CEP104: variants seen among roughly 807,000 people sequenced by gnomAD.
CEP104 encodes centrosomal protein 104.
Under a neutral mutation model 113.3 loss-of-function variants are expected in CEP104, and 84 were observed. The ratio of observed to expected loss-of-function variants is 0.74; its 90% confidence interval spans 0.62 to 0.89. The LOEUF is 0.89. Among genes scored for constraint, CEP104 ranks in the 40% least tolerant of loss-of-function variants. The pLI is 0.00. For synonymous variants in CEP104, 378 were observed against 421.7 expected, an observed-to-expected ratio of 0.90 and a Z score of 1.27; for missense variants, 1,053 against 1,156.6, an observed-to-expected ratio of 0.91 and a Z score of 1.30.
At chr1:3,820,870 A>G (rs1051957855) in intron 20 of CEP104, among the ~76,000 whole-genome samples, 12 of 152,292 alleles carry the variant, frequency 7.9e-5, no homozygotes, top group Non-Finnish European at 1.6e-4. Flanking sequence ...GTCGCCTCCA[A>G]TACCTGAATT....
intron 8 of CEP104, among the ~76,000 whole-genome samples, chr1:3,838,122 G>C (rs1644348844): frequency 6.6e-6 from 1 of 152,198 alleles, no homozygotes; most frequent in Non-Finnish European, 1.5e-5. Flanking sequence ...GTGGTGCCCG[G>C]ATTTGAACCC....
rs1432856285 is a variant in CEP104, at chr1:3,816,175, T to C, written c.2662+105A>G. The stretch of plus-strand genomic sequence containing the variant: ...AGGCTTGGATGCTTTATTTTGCTTT[T>C]AAAGGGATGGGGTCTTGCCATGTTG... On this transcript the variant is annotated intron_variant, in intron 21 of 21. Transcript: ENST00000378230. The C allele has an allele frequency of 1.0e-5, 10 of 963,066 alleles. No individual in the cohort carries two copies. The South Asian group carries it at 1.4e-4, about 14-fold the overall frequency. 59.7% of individuals were successfully genotyped at this position (963,066 alleles called of 1,614,324 possible). A position where few individuals can be genotyped will look rare whatever the true frequency, so the allele number is the denominator to read the frequency against.
chr1:3,828,712 T>G (rs1363127407), intron 15 of CEP104, among the ~76,000 whole-genome samples: 1 of 152,170 alleles, frequency 6.6e-6, no homozygotes, highest in Non-Finnish European at 1.5e-5. Flanking sequence ...GGAAATTTTC[T>G]TTCAACTGAA....
chr1:3,850,366 A>AT (rs1644587907), intron 2 of CEP104, among the ~76,000 whole-genome samples: 1 of 152,252 alleles, frequency 6.6e-6, no homozygotes, highest in African/African-American at 2.4e-5. Context: ...ACAGATACAG[A>AT]TTTTTTAAAC....
At position 3,833,014 on chromosome 1, in the gene CEP104, C is replaced by G. The variant is rs1396060336; in HGVS notation, c.1659+848G>C. The stretch of plus-strand genomic sequence containing the variant: ...TTTTTTTTTTTTTTTAAGATGGAGT[C>G]TCACTCTGTTGCCAGGCTGGAGTGC... On this transcript the variant is annotated intron_variant, in intron 12 of 21. Transcript: ENST00000378230. Among the ~76,000 whole-genome samples the G allele has an allele frequency of 2.8e-5, 4 of 140,624 alleles. 1 individual carries two copies. Among genetic ancestry groups the G allele is most frequent in the South Asian group, 4.6e-4 (2 of 4,390 alleles). 92.3% of individuals were successfully genotyped at this position (140,624 alleles called of 152,430 possible). A position where few individuals can be genotyped will look rare whatever the true frequency, so the allele number is the denominator to read the frequency against.
intron 20 of CEP104, among the ~76,000 whole-genome samples, chr1:3,820,990 G>A (rs1643961335): frequency 6.6e-6 from 1 of 152,246 alleles, no homozygotes; most frequent in African/African-American, 2.4e-5. Flanking sequence ...GGAAGGGGAA[G>A]TGTGTGTGCA....
chr1:3,830,906 G>T (rs1331437820), intron 13 of CEP104, 140 bp downstream of exon 13: 7 of 872,766 alleles, frequency 8.0e-6, no homozygotes, highest in Non-Finnish European at 1.2e-5. Flanking sequence ...GCCCCCATTT[G>T]TTGGATGAAA....
chr1:3,821,959 C>T (rs547701658), intron 20 of CEP104, among the ~76,000 whole-genome samples: 2 of 152,318 alleles, frequency 1.3e-5, no homozygotes, highest in East Asian at 1.9e-4. Context: ...ATGTGACTGA[C>T]GTCTGGAAGG....
intron 6 of CEP104, among the ~76,000 whole-genome samples, chr1:3,840,639 A>C (rs910320636): frequency 2.0e-5 from 3 of 152,088 alleles, no homozygotes; most frequent in African/African-American, 7.2e-5. Context: ...CCTGGGTTCA[A>C]GCAATTCTCA....
intron 12 of CEP104, among the ~76,000 whole-genome samples, chr1:3,831,816 T>C (rs1310494571): frequency 1.3e-5 from 2 of 152,244 alleles, no homozygotes; most frequent in African/African-American, 4.8e-5. Context: ...ATAAACCTGT[T>C]TCCAATAGGT....
intron 20 of CEP104, among the ~76,000 whole-genome samples, chr1:3,821,714 C>T (rs1250330899): frequency 1.3e-5 from 2 of 152,248 alleles, no homozygotes; most frequent in Non-Finnish European, 1.5e-5. Context: ...GAGATCCCAC[C>T]TCCTGTTTAC....
At chr1:3,853,538 C>T (rs1644656603) in intron 1 of CEP104, among the ~76,000 whole-genome samples, 1 of 152,106 alleles carries the variant, frequency 6.6e-6, no homozygotes, top group South Asian at 2.1e-4. Context: ...TAAAACTGTA[C>T]GTATTTTGAC....
chr1:3,843,667 G>A (rs1570833225), intron 6 of CEP104, among the ~76,000 whole-genome samples: 2 of 151,340 alleles, frequency 1.3e-5, no homozygotes, highest in South Asian at 4.1e-4. Flanking sequence ...TTGTTAACAC[G>A]ACGAACTTTC....
chr1:3,854,345 T>C (rs1644670727), intron 1 of CEP104, among the ~76,000 whole-genome samples: 1 of 152,146 alleles, frequency 6.6e-6, no homozygotes, highest in Admixed American at 6.5e-5. Context: ...GCTCCCCATC[T>C]AGGGATCAAT....
intron 12 of CEP104, among the ~76,000 whole-genome samples, chr1:3,833,046 G>A (rs6684759): frequency 0.22 from 33,411 of 148,956 alleles, 4,117 homozygotes; most frequent in Non-Finnish European, 0.27. Context: ...GTGCAGTGGC[G>A]TGATCTCGGC....
chr1:3,844,850 C>A, intron 6 of CEP104, 57 bp downstream of exon 6: 1 of 1,436,090 alleles, frequency 7.0e-7, no homozygotes, highest in Non-Finnish European at 9.8e-7. Context: ...ATGACTGACC[C>A]TTTCAGGATT....
chr1:3,826,580 A>G, intron 16 of CEP104, 128 bp downstream of exon 16: 2 of 1,296,966 alleles, frequency 1.5e-6, no homozygotes, highest in Non-Finnish European at 2.2e-6. Context: ...GCTGAGGTGC[A>G]GCAGGCGTGC....
At chr1:3,840,382 G>A (rs888768084) in intron 6 of CEP104, among the ~76,000 whole-genome samples, 1 of 152,122 alleles carries the variant, frequency 6.6e-6, no homozygotes, top group Admixed American at 6.5e-5. Context: ...GATTATAGGT[G>A]TGTGGCACCA....
intron 20 of CEP104, among the ~76,000 whole-genome samples, chr1:3,818,995 G>C (rs1474516989): frequency 1.3e-5 from 2 of 152,142 alleles, no homozygotes; most frequent in African/African-American, 2.4e-5. Flanking sequence ...TTTCACATTT[G>C]AATCTCAGAT....
Sources: allele counts gnomAD v4.1 joint callset (sites outside exome capture counted in the v4.1 genomes callset), GRCh38; gene constraint gnomAD v4.1.1; transcripts MANE v1.5; gene names NCBI Gene and HGNC (gene_info 2026-07-23, HGNC 2026-07-21).